RIN3: variants seen among roughly 807,000 people sequenced by gnomAD.
RIN3 encodes Ras and Rab interactor 3, also known as RAB5 interacting protein 3.
RIN3 carries 54 observed loss-of-function variants against 76.3 expected under a neutral mutation model. That is an observed-to-expected ratio of 0.71 (90% CI 0.57 to 0.89). The LOEUF (loss-of-function observed/expected upper bound fraction) is 0.89, where lower values mean the gene tolerates loss of function less well. Among genes scored for constraint, RIN3 ranks in the 40% least tolerant of loss-of-function variants. RIN3 has a pLI of 0.00. For synonymous variants in RIN3, 576 were observed against 564.0 expected, an observed-to-expected ratio of 1.02 and a Z score of -0.30; for missense variants, 1,256 against 1,322.1, an observed-to-expected ratio of 0.95 and a Z score of 0.78.
At chr14:92,642,970 T>C (rs1244773100) in intron 5 of RIN3, among the ~76,000 whole-genome samples, 5 of 152,328 alleles carry the variant, frequency 3.3e-5, no homozygotes, top group South Asian at 2.1e-4. Context: ...GGTTAAGTCA[T>C]GTCCAGTTTC....
At chr14:92,579,241 T>A (rs1898360789) in intron 3 of RIN3, among the ~76,000 whole-genome samples, 1 of 152,272 alleles carries the variant, frequency 6.6e-6, no homozygotes, top group African/African-American at 2.4e-5. Context: ...AGCCATAATT[T>A]CTAATCTTGT....
At chr14:92,572,616 C>T (rs550598447) in intron 2 of RIN3, among the ~76,000 whole-genome samples, 1 of 152,298 alleles carries the variant, frequency 6.6e-6, no homozygotes, top group African/African-American at 2.4e-5. Flanking sequence ...AACATTTTCC[C>T]CTCAAGAGTC....
intron 3 of RIN3, among the ~76,000 whole-genome samples, chr14:92,593,301 G>A (rs931298876): frequency 6.6e-6 from 1 of 152,136 alleles, no homozygotes; most frequent in Non-Finnish European, 1.5e-5. Context: ...AACAAATATG[G>A]TAGATGTCAA....
At chr14:92,644,906 C>T (rs998126628) in intron 5 of RIN3, 1 of 152,242 alleles carries the variant, frequency 6.6e-6, no homozygotes, top group Admixed American at 6.5e-5. Context: ...GGCATTGTGC[C>T]TGGCATGTCA....
chr14:92,662,750 A>C (rs1486331886), intron 7 of RIN3, among the ~76,000 whole-genome samples: 3 of 152,150 alleles, frequency 2.0e-5, no homozygotes, highest in Admixed American at 2.0e-4. Context: ...TCCATTCTCA[A>C]TGAGTCCCAG....
chr14:92,630,319 C>T (rs989828075), intron 4 of RIN3, among the ~76,000 whole-genome samples: 4 of 152,088 alleles, frequency 2.6e-5, no homozygotes, highest in East Asian at 3.8e-4. Flanking sequence ...TTGGTAAAAC[C>T]GCACTCTACT....
intron 4 of RIN3, among the ~76,000 whole-genome samples, chr14:92,621,901 C>T (rs1886196267): frequency 6.6e-6 from 1 of 152,220 alleles, no homozygotes. Context: ...ACTGGTTTTA[C>T]TTTACCCCAA....
chr14:92,553,321 T>A (rs1897487759), intron 1 of RIN3, among the ~76,000 whole-genome samples: 1 of 152,166 alleles, frequency 6.6e-6, no homozygotes, highest in Non-Finnish European at 1.5e-5. Flanking sequence ...TCTTTGTGTT[T>A]CCAAGTGGGG....
intron 4 of RIN3, among the ~76,000 whole-genome samples, chr14:92,626,173 T>A (rs1331473280): frequency 2.6e-5 from 4 of 152,210 alleles, no homozygotes; most frequent in Non-Finnish European, 5.9e-5. Flanking sequence ...TCTTTCATAT[T>A]TTCCCAGCAG....
intron 6 of RIN3, among the ~76,000 whole-genome samples, chr14:92,655,872 G>T (rs972489098): frequency 2.0e-5 from 3 of 152,244 alleles, no homozygotes; most frequent in African/African-American, 7.2e-5. Context: ...GAGGAGTTCA[G>T]TTTGGGACAT....
At chr14:92,591,118 T>C (rs890903221) in intron 3 of RIN3, among the ~76,000 whole-genome samples, 2 of 152,100 alleles carry the variant, frequency 1.3e-5, no homozygotes, top group African/African-American at 2.4e-5. Context: ...AAATGGGGAA[T>C]GTAAGCGGAG....
intron 3 of RIN3, among the ~76,000 whole-genome samples, chr14:92,605,866 A>C (rs1476892164): frequency 6.6e-6 from 1 of 152,240 alleles, no homozygotes; most frequent in Non-Finnish European, 1.5e-5. Context: ...ATATCAATAG[A>C]GAGAAGAATT....
chr14:92,588,436 G>A (rs1884859405), intron 3 of RIN3, among the ~76,000 whole-genome samples: 6 of 151,890 alleles, frequency 4.0e-5, no homozygotes. Context: ...ATGTTGATCA[G>A]GCTGGTCTTG....
At chr14:92,618,084 A>C (rs73330128) in intron 4 of RIN3, among the ~76,000 whole-genome samples, 16,922 of 152,248 alleles carry the variant, frequency 0.11, 1,078 homozygotes, top group Non-Finnish European at 0.14. Flanking sequence ...AGCCATAATG[A>C]GGTACCATTA....
intron 1 of RIN3, among the ~76,000 whole-genome samples, chr14:92,516,290 G>A (rs1566823189): frequency 6.6e-6 from 1 of 152,182 alleles, no homozygotes; most frequent in Admixed American, 6.5e-5. Flanking sequence ...GGAGGTGGTG[G>A]TGGAACTCAT....
chr14:92,608,767 T>C (rs1780639544), intron 3 of RIN3, among the ~76,000 whole-genome samples: 1 of 152,174 alleles, frequency 6.6e-6, no homozygotes, highest in Admixed American at 6.5e-5. Context: ...ACTCCTGACC[T>C]CAACTGATCT....
At chr14:92,557,123 A>G (rs997400076) in intron 2 of RIN3, among the ~76,000 whole-genome samples, 1 of 152,252 alleles carries the variant, frequency 6.6e-6, no homozygotes, top group African/African-American at 2.4e-5. Context: ...ATATTCATGC[A>G]TATTCACGTA....
chr14:92,548,392 A>G (rs897783868), intron 1 of RIN3, among the ~76,000 whole-genome samples: 4 of 152,140 alleles, frequency 2.6e-5, no homozygotes, highest in Admixed American at 1.3e-4. Context: ...CCTTTACATG[A>G]GACCACTAGG....
intron 5 of RIN3, among the ~76,000 whole-genome samples, chr14:92,647,341 A>T (rs1887237179): frequency 6.6e-6 from 1 of 152,234 alleles, no homozygotes; most frequent in Admixed American, 6.5e-5. Context: ...CAAGGCCAGA[A>T]AACTAACATA....
Sources: allele counts gnomAD v4.1 joint callset (sites outside exome capture counted in the v4.1 genomes callset), GRCh38; gene constraint gnomAD v4.1.1; transcripts MANE v1.5; gene names NCBI Gene and HGNC (gene_info 2026-07-23, HGNC 2026-07-21).